Variants in TBK1 observed in about 807,000 individuals in gnomAD.
TBK1 encodes TANK binding kinase 1, also known as serine/threonine-protein kinase TBK1.
TBK1 carries 37 observed loss-of-function variants against 99.9 expected under a neutral mutation model. That is an observed-to-expected ratio of 0.37 (90% CI 0.28 to 0.49). The LOEUF (loss-of-function observed/expected upper bound fraction) is 0.49. TBK1 is among the 20% of genes least tolerant of loss of function. The pLI is 0.98. For missense variants in TBK1, 644 were observed against 872.5 expected (o/e 0.74, Z 3.30); for synonymous variants, 258 against 279.8 (o/e 0.92, Z 0.78).
intron 2 of TBK1, among the ~76,000 whole-genome samples, chr12:64,459,435 G>A (rs1407663233): frequency 2.6e-5 from 4 of 152,204 alleles, no homozygotes. Context: ...AACTACAGCT[G>A]TGCTTTGTAA....
rs7303577 is a variant in TBK1, at chr12:64,480,322, A to C, written c.812+200A>C. ...TTCTCTGCTATATGAATAATTTCCC[A>C]AGATCTTCATTAGGACACAGGGCAT... On this transcript the variant is annotated intron_variant, in intron 7 of 20. Transcript: ENST00000331710. Among the ~76,000 whole-genome samples the C allele has an allele frequency of 0.15, 22,370 of 152,190 alleles. 1,967 individuals are homozygous for C. Among genetic ancestry groups the C allele is most frequent in the African/African-American group, 0.23 (9,706 of 41,506 alleles).
intron 3 of TBK1, among the ~76,000 whole-genome samples, chr12:64,463,525 C>T (rs978259537): frequency 2.0e-5 from 3 of 151,572 alleles, no homozygotes; most frequent in Non-Finnish European, 2.9e-5. Context: ...ATAGTGAGAC[C>T]CCGTCTCTAC....
intron 9 of TBK1, 30 bp downstream of exon 9, chr12:64,484,529 C>CTA: frequency 1.3e-6 from 2 of 1,573,356 alleles, no homozygotes; most frequent in Non-Finnish European, 1.7e-6. Flanking sequence ...GTCGTTCTTA[C>CTA]TAGCCATTAG....
intron 4 of TBK1, among the ~76,000 whole-genome samples, chr12:64,465,264 A>AAAAAAG (rs1555202820): frequency 2.0e-5 from 3 of 150,522 alleles, no homozygotes; most frequent in African/African-American, 7.4e-5. Context: ...AAAAAAAAAA[A>AAAAAAG]CAAGTGTTGG....
At chr12:64,461,914 A>G (rs1245328452) in intron 3 of TBK1, among the ~76,000 whole-genome samples, 2 of 152,346 alleles carry the variant, frequency 1.3e-5, no homozygotes, top group African/African-American at 4.8e-5. Flanking sequence ...GAGGGTTCCA[A>G]TCTTGAAGCT....
At chr12:64,462,664 A>T (rs181117343) in intron 3 of TBK1, among the ~76,000 whole-genome samples, 1 of 152,252 alleles carries the variant, frequency 6.6e-6, no homozygotes, top group African/African-American at 2.4e-5. Context: ...ATATTTTATA[A>T]AAGTGTTTTG....
At position 64,464,434 on chromosome 12, in the gene TBK1, C is replaced by A; in HGVS notation, c.329C>A (p.Ser110Tyr). 1 of 1,594,810 alleles carries A rather than the reference C, an allele frequency of 6.3e-7. No homozygotes were observed. Among genetic ancestry groups the A allele is most frequent in the Non-Finnish European group, 8.6e-7 (1 of 1,169,350 alleles). The change falls in exon 4 of 21, where the codon TCT (serine) becomes TAT (tyrosine). Residue 110 changes from serine (S) to tyrosine (Y), a missense_variant. By Grantham distance (144) the Ser-to-Tyr change is moderately radical. Coordinates refer to ENST00000331710, the MANE Select transcript of TBK1 (RefSeq NM_013254.4). Reference sequence around the variant, plus strand: ...TCTAATGCCTATGGACTACCAGAATCTGAATTCTTAATTGTTTTGCGAGAT... The same window carrying A: ...TCTAATGCCTATGGACTACCAGAATATGAATTCTTAATTGTTTTGCGAGAT... Reference protein sequence around the residue: ...EPSNAYGLPESEFLIVLRDVV... With the variant: ...EPSNAYGLPEYEFLIVLRDVV...
chr12:64,487,600 C>T (rs1037170619), intron 11 of TBK1, among the ~76,000 whole-genome samples: 1 of 152,086 alleles, frequency 6.6e-6, no homozygotes, highest in Non-Finnish European at 1.5e-5. Context: ...TCTTATCTAT[C>T]GTCAATTGCT....
At chr12:64,455,304 G>T (rs903555577) in intron 1 of TBK1, among the ~76,000 whole-genome samples, 4 of 151,844 alleles carry the variant, frequency 2.6e-5, no homozygotes, top group Non-Finnish European at 4.4e-5. Context: ...GATTTTTTTT[G>T]TCATATTATT....
chr12:64,501,581 A>G lies in TBK1; in HGVS notation c.*200A>G, dbSNP rs1454368301. On this transcript the variant is annotated 3_prime_UTR_variant, in exon 21 of 21. Transcript: ENST00000331710. ...TGAAGATGTAATTTTATCTTTTAAC[A>G]TTTATAATTATATGAGGAAATTTGA... The G allele has an allele frequency of 7.7e-6, 4 of 519,668 alleles. No individual in the cohort carries two copies. Among genetic ancestry groups the G allele is most frequent in the African/African-American group, 2.0e-5 (1 of 50,728 alleles). The allele number at this position is 519,668 out of a possible 1,614,324, so 32.2% of individuals were successfully genotyped here. A position where few individuals can be genotyped will look rare whatever the true frequency, so the allele number is the denominator to read the frequency against.
chr12:64,495,277 TG>T, intron 13 of TBK1: 1 of 491,910 alleles, frequency 2.0e-6, no homozygotes. Context: ...GTATTACTGC[TG>T]GTCTCATGTT....
At chr12:64,456,302 G>A (rs1401956681) in intron 2 of TBK1, among the ~76,000 whole-genome samples, 1 of 152,172 alleles carries the variant, frequency 6.6e-6, no homozygotes, top group Non-Finnish European at 1.5e-5. Context: ...GGTAGCATTT[G>A]ATGTGGCATT....
At chr12:64,478,976 C>T (rs2040740907) in intron 6 of TBK1, among the ~76,000 whole-genome samples, 1 of 152,132 alleles carries the variant, frequency 6.6e-6, no homozygotes, top group Admixed American at 6.5e-5. Context: ...TTATCTGACA[C>T]CCTTGTGGGC....
chr12:64,484,855 A>G (rs534268127), intron 9 of TBK1, among the ~76,000 whole-genome samples: 1 of 152,282 alleles, frequency 6.6e-6, no homozygotes, highest in South Asian at 2.1e-4. Flanking sequence ...TTAAAATTTT[A>G]TAAATTACTA....
intron 5 of TBK1, among the ~76,000 whole-genome samples, chr12:64,470,488 T>C (rs1039478629): frequency 2.0e-5 from 3 of 152,216 alleles, no homozygotes; most frequent in African/African-American, 2.4e-5. Flanking sequence ...AGTATTGTTA[T>C]TGACATGATT....
chr12:64,455,160 A>T (rs1445803360), intron 1 of TBK1, among the ~76,000 whole-genome samples: 2 of 149,874 alleles, frequency 1.3e-5, no homozygotes, highest in Non-Finnish European at 3.0e-5. Flanking sequence ...TAATTTTTGT[A>T]TTTTTTGTGG....
intron 20 of TBK1, among the ~76,000 whole-genome samples, chr12:64,500,409 C>T (rs2040976910): frequency 6.6e-6 from 1 of 152,098 alleles, no homozygotes; most frequent in Admixed American, 6.6e-5. Context: ...TATTTCCCCT[C>T]GTCACCCTCA....
intron 11 of TBK1, among the ~76,000 whole-genome samples, chr12:64,486,353 T>C (rs1370127828): frequency 3.9e-5 from 6 of 152,234 alleles, no homozygotes; most frequent in Non-Finnish European, 8.8e-5. Context: ...ATCTGTACTT[T>C]CTAGCATTTA....
intron 8 of TBK1, 41 bp downstream of exon 8, chr12:64,482,062 T>C: frequency 7.8e-7 from 1 of 1,283,128 alleles, no homozygotes; most frequent in Non-Finnish European, 1.0e-6. Flanking sequence ...CATGTTCTGT[T>C]ATATAATATT....
Sources: gnomAD v4.1 joint callset for allele counts (sites outside exome capture counted in the v4.1 genomes callset) on GRCh38, gnomAD v4.1.1 for gene constraint, MANE v1.5 for transcripts, NCBI Gene and HGNC (gene_info 2026-07-23, HGNC 2026-07-21) for gene names.